Variants in FAM89A observed in about 807,000 individuals in gnomAD.
FAM89A encodes the protein family with sequence similarity 89 member A.
Under a neutral mutation model 7.1 loss-of-function variants are expected in FAM89A, and 10 were observed. The observed-to-expected ratio is 1.40, with a 90% CI of 0.86 to 2.38. The LOEUF (loss-of-function observed/expected upper bound fraction) is 2.38. Among genes scored for constraint, FAM89A ranks in the 30% most tolerant of loss-of-function variants. The probability of loss-of-function intolerance (pLI) is 0.00; values close to 1 mark genes in which losing one functional copy is unlikely to be tolerated. For missense variants in FAM89A, 276 were observed against 262.8 expected (o/e 1.05, Z -0.35); for synonymous variants, 157 against 129.3 (o/e 1.21, Z -1.45).
chr1:231,027,775 C>A (rs1679999218), intron 1 of FAM89A, among the ~76,000 whole-genome samples: 1 of 152,212 alleles, frequency 6.6e-6, no homozygotes. Flanking sequence ...CCCATGACAC[C>A]CTCATCCCCA....
chr1:231,021,778 TGTG>T (rs1679883815), intron 1 of FAM89A: 1 of 1,602,876 alleles, frequency 6.2e-7, no homozygotes, highest in African/African-American at 1.3e-5. Flanking sequence ...CTTTAGAGCC[TGTG>T]GTGGTTGATC....
At chr1:231,021,895 T>C (rs1558253815) in intron 1 of FAM89A, 2 of 1,564,056 alleles carry the variant, frequency 1.3e-6, no homozygotes, top group Non-Finnish European at 1.8e-6. Context: ...TGGTGAGCAG[T>C]GACGATGAGT....
chr1:231,021,951 GA>G, intron 1 of FAM89A: 1 of 1,425,214 alleles, frequency 7.0e-7, no homozygotes, highest in Non-Finnish European at 9.9e-7. Flanking sequence ...CACACTTCCA[GA>G]AACACCAGGG....
In FAM89A at chr1:231,040,039, G is replaced by T; in HGVS notation, c.173C>A (p.Ser58Ter). ...GCGGCTCAGCTCGTCCTGGATGCGCGACTTCTGCGCGTACAGCCGCTCCAG... is the reference window on the plus strand; with the variant it reads ...GCGGCTCAGCTCGTCCTGGATGCGCTACTTCTGCGCGTACAGCCGCTCCAG... The part of the protein sequence containing the change: ...RHLERLYAQK[S>*]RIQDELSRGG... The change falls in exon 1 of 2, where the codon TCG (serine) becomes TAG (stop). Residue 58 changes from serine to a stop codon, truncating the protein, a stop_gained. Transcript: ENST00000366654. LOFTEE classifies it high-confidence loss of function. The T allele has an allele frequency of 6.9e-7, 1 of 1,445,708 alleles. No homozygotes were observed. Among genetic ancestry groups the T allele is most frequent in the South Asian group, 1.4e-5 (1 of 73,758 alleles). 89.6% of individuals were successfully genotyped at this position (1,445,708 alleles called of 1,614,324 possible). A position where few individuals can be genotyped will look rare whatever the true frequency, so the allele number is the denominator to read the frequency against.
chr1:231,039,062 C>G (rs897050064), intron 1 of FAM89A, among the ~76,000 whole-genome samples: 27 of 152,272 alleles, frequency 1.8e-4, no homozygotes, highest in Non-Finnish European at 3.2e-4. Flanking sequence ...TTCTTCTTGC[C>G]TGGCCTACGC....
In FAM89A at chr1:231,020,072, C is replaced by G. The variant is rs201780778; in HGVS notation, c.346G>C (p.Glu116Gln). Reference protein sequence around the residue: ...SLLCQLYSLYESIQEYKGACQ... With the variant: ...SLLCQLYSLYQSIQEYKGACQ... ...GCCCCCTTGTACTCCTGAATCGACT[C>G]GTAGAGGCTGTACAGTTGGCAGAGC... is the stretch of plus-strand genomic sequence containing the variant. The change falls in exon 2 of 2, where the codon GAG (glutamate) becomes CAG (glutamine). Residue 116 changes from glutamate to glutamine, a missense_variant. Glu to Gln is a conservative substitution (Grantham distance 29). Coordinates refer to ENST00000366654, the MANE Select transcript of FAM89A (RefSeq NM_198552.3). 1,334 of 1,613,994 alleles carry G rather than the reference C, an allele frequency of 8.3e-4. 3 individuals carry two copies. Among genetic ancestry groups the G allele is most frequent in the Non-Finnish European group, 8.3e-4 (979 of 1,180,028 alleles).
At chr1:231,033,738 T>C (rs1680113361) in intron 1 of FAM89A, among the ~76,000 whole-genome samples, 1 of 152,186 alleles carries the variant, frequency 6.6e-6, no homozygotes, top group Non-Finnish European at 1.5e-5. Flanking sequence ...AGGAAAAATA[T>C]CAATTTATAG....
chr1:231,037,469 A>G (rs1159795124), intron 1 of FAM89A, among the ~76,000 whole-genome samples: 2 of 152,276 alleles, frequency 1.3e-5, no homozygotes, highest in East Asian at 1.9e-4. Context: ...TGTCTCCCAC[A>G]TGAGTCTTGT....
intron 1 of FAM89A, chr1:231,022,079 G>A: frequency 1.4e-6 from 2 of 1,407,076 alleles, no homozygotes; most frequent in Non-Finnish European, 2.0e-6. Flanking sequence ...ATGTGGCCAT[G>A]TCTTCTGTAG....
At chr1:231,031,467 T>C (rs1226418548) in intron 1 of FAM89A, among the ~76,000 whole-genome samples, 1 of 152,230 alleles carries the variant, frequency 6.6e-6, no homozygotes, top group Non-Finnish European at 1.5e-5. Flanking sequence ...CACAGTCATA[T>C]GAAAAAAGTG....
intron 1 of FAM89A, among the ~76,000 whole-genome samples, chr1:231,032,522 G>A (rs990654411): frequency 2.0e-5 from 3 of 151,770 alleles, no homozygotes; most frequent in Non-Finnish European, 2.9e-5. Context: ...GTATACATCC[G>A]TGGTTATAAG....
At chr1:231,026,209 C>T (rs1261557094) in intron 1 of FAM89A, 1 of 154,540 alleles carries the variant, frequency 6.5e-6, no homozygotes, top group African/African-American at 2.4e-5. Flanking sequence ...AGAAGCGCCC[C>T]ATCCCACTGT....
intron 1 of FAM89A, among the ~76,000 whole-genome samples, chr1:231,030,229 G>A (rs1466740149): frequency 6.6e-6 from 1 of 152,172 alleles, no homozygotes; most frequent in Non-Finnish European, 1.5e-5. Context: ...GCCAAGCTGA[G>A]GACTAGACTC....
intron 1 of FAM89A, 142 bp from the exon 2 acceptor site, chr1:231,020,268 G>C (rs1679851790): frequency 9.9e-6 from 9 of 912,696 alleles, no homozygotes; most frequent in Non-Finnish European, 1.4e-5. Flanking sequence ...CGGATGCTTT[G>C]GATTTCCAGT....
At chr1:231,020,777 C>T (rs1679862291) in intron 1 of FAM89A, among the ~76,000 whole-genome samples, 1 of 152,180 alleles carries the variant, frequency 6.6e-6, no homozygotes, top group African/African-American at 2.4e-5. Context: ...AAGGGCTCTA[C>T]AGTTCCTCCT....
At chr1:231,028,490 C>G (rs890529368) in intron 1 of FAM89A, 16 of 152,034 alleles carry the variant, frequency 1.1e-4, no homozygotes, top group Admixed American at 1.0e-3. Flanking sequence ...GGGGAGCCGC[C>G]GAGCAAGCCA....
chr1:231,024,135 T>C (rs771378910), intron 1 of FAM89A, among the ~76,000 whole-genome samples: 2 of 151,802 alleles, frequency 1.3e-5, no homozygotes, highest in Non-Finnish European at 2.9e-5. Flanking sequence ...ACTACATCCA[T>C]GGATATCAGT....
chr1:231,020,710 G>A (rs1679861118), intron 1 of FAM89A, among the ~76,000 whole-genome samples: 1 of 152,162 alleles, frequency 6.6e-6, no homozygotes, highest in Admixed American at 6.5e-5. Flanking sequence ...TATCCCAGAT[G>A]GTTCTGGGAT....
At chr1:231,021,707 G>A (rs1679882163) in intron 1 of FAM89A, 9 of 1,592,822 alleles carry the variant, frequency 5.7e-6, no homozygotes, top group Non-Finnish European at 7.7e-6. Flanking sequence ...TTCCTTGGAA[G>A]CAGAACCCAT....
Sources: allele counts gnomAD v4.1 joint callset (sites outside exome capture counted in the v4.1 genomes callset), GRCh38; gene constraint gnomAD v4.1.1; transcripts MANE v1.5; gene names NCBI Gene and HGNC (gene_info 2026-07-23, HGNC 2026-07-21).